PRELID2: variants seen among roughly 807,000 people sequenced by gnomAD.
PRELID2 encodes the protein PRELI domain containing 2.
In PRELID2, 25 loss-of-function variants were observed where a neutral mutation model predicts 28.4. The ratio of observed to expected loss-of-function variants is 0.88; its 90% CI spans 0.64 to 1.23. The LOEUF is 1.23. PRELID2 is among the 50% of genes most tolerant of loss of function. The probability of loss-of-function intolerance (pLI) is 0.00; values close to 1 mark genes in which losing one functional copy is unlikely to be tolerated. For missense variants in PRELID2, 201 were observed against 214.4 expected, an observed-to-expected ratio of 0.94 and a Z score of 0.39; for synonymous variants, 76 against 71.6, an observed-to-expected ratio of 1.06 and a Z score of -0.31.
intron 1 of PRELID2, among the ~76,000 whole-genome samples, chr5:145,697,517 C>G (rs1755307403): frequency 6.6e-6 from 1 of 152,190 alleles, no homozygotes; most frequent in Non-Finnish European, 1.5e-5. Flanking sequence ...CACAAGCCAA[C>G]AGCATTTCTC....
chr5:145,533,475 ACT>A (rs1752672591), intron 1 of PRELID2, among the ~76,000 whole-genome samples: 1 of 151,990 alleles, frequency 6.6e-6, no homozygotes, highest in Non-Finnish European at 1.5e-5. Context: ...AGGTGGAATA[ACT>A]CTCTTTGAGC....
intron 1 of PRELID2, among the ~76,000 whole-genome samples, chr5:145,565,093 T>C (rs1752954500): frequency 2.0e-5 from 3 of 152,246 alleles, no homozygotes; most frequent in Admixed American, 2.0e-4. Context: ...GAGCTGTTCC[T>C]ATTCGGTCAT....
intron 1 of PRELID2, among the ~76,000 whole-genome samples, chr5:145,483,943 T>C (rs1752189672): frequency 6.6e-6 from 1 of 152,222 alleles, no homozygotes; most frequent in East Asian, 1.9e-4. Context: ...GTACCTGACA[T>C]ATAATAACTC....
chr5:145,651,675 C>T (rs1209983509), intron 1 of PRELID2, among the ~76,000 whole-genome samples: 1 of 152,206 alleles, frequency 6.6e-6, no homozygotes, highest in Non-Finnish European at 1.5e-5. Context: ...CAAACTCCAA[C>T]AGACCTGCAG....
the PRELID2 span, among the ~76,000 whole-genome samples, chr5:145,361,810 G>T: frequency 6.6e-6 from 1 of 152,098 alleles, no homozygotes; most frequent in East Asian, 1.9e-4. Flanking sequence ...CATTTCCAGA[G>T]CCTTCACTCA....
At chr5:145,231,879 A>C in the PRELID2 span, among the ~76,000 whole-genome samples, 1 of 152,058 alleles carries the variant, frequency 6.6e-6, no homozygotes, top group Admixed American at 6.5e-5. Flanking sequence ...AATGGAGGAG[A>C]CATCAGCCCC....
chr5:145,590,413 C>CTTAT (rs1052305999), intron 1 of PRELID2, among the ~76,000 whole-genome samples: 1 of 151,996 alleles, frequency 6.6e-6, no homozygotes, highest in Non-Finnish European at 1.5e-5. Flanking sequence ...TATGTGTTTG[C>CTTAT]TTATTTATTT....
At position 145,795,634 on chromosome 5, in the gene PRELID2, T is replaced by C. The variant is rs1466068903; in HGVS notation, c.474+808A>G. 5.3e-5 allele frequency: 8 copies of C among 152,242 alleles called. No homozygotes were observed. In the East Asian group the frequency reaches 9.6e-4, roughly 18 times the overall value. The allele number at this position is 152,242 out of a possible 1,614,324, so 9.4% of individuals were successfully genotyped here. On this transcript the variant is annotated intron_variant, in intron 5 of 6. Transcript: ENST00000683046. ...TGAGGTAAACTTATACAAAAAGTCC[T>C]GAGTAAAATCTGGAAATAAATGAGT...
At chr5:145,568,923 T>C (rs944924007) in intron 1 of PRELID2, among the ~76,000 whole-genome samples, 1 of 152,254 alleles carries the variant, frequency 6.6e-6, no homozygotes, top group Non-Finnish European at 1.5e-5. Flanking sequence ...GGAATTGGCA[T>C]ATATTTTATT....
chr5:145,244,252 G>GC, the PRELID2 span, among the ~76,000 whole-genome samples: 1 of 151,990 alleles, frequency 6.6e-6, no homozygotes, highest in Non-Finnish European at 1.5e-5. Context: ...ACCACGGCTG[G>GC]CCCCAACTTT....
the PRELID2 span, among the ~76,000 whole-genome samples, chr5:145,372,708 C>T: frequency 6.6e-6 from 1 of 151,268 alleles, no homozygotes; most frequent in African/African-American, 2.4e-5. Context: ...GGTAAATTCT[C>T]ATCCATCCTT....
chr5:145,549,452 G>A (rs184489106), intron 1 of PRELID2, among the ~76,000 whole-genome samples: 9 of 152,134 alleles, frequency 5.9e-5, no homozygotes, highest in Admixed American at 2.0e-4. Flanking sequence ...CTAATTTCAC[G>A]CTATTAATTT....
chr5:145,749,065 G>C (rs1463559214), intron 1 of PRELID2, among the ~76,000 whole-genome samples: 1 of 152,152 alleles, frequency 6.6e-6, no homozygotes. Context: ...ATAGGCGTGG[G>C]CAGAGACTTC....
chr5:145,335,149 A>G, the PRELID2 span, among the ~76,000 whole-genome samples: 2 of 151,612 alleles, frequency 1.3e-5, no homozygotes, highest in African/African-American at 4.8e-5. Flanking sequence ...AACTGTCTTC[A>G]CCTTCCTTCA....
chr5:145,239,640 A>G, the PRELID2 span, among the ~76,000 whole-genome samples: 4 of 152,192 alleles, frequency 2.6e-5, no homozygotes, highest in African/African-American at 9.6e-5. Flanking sequence ...ACACCATGAA[A>G]AATGGAAATG....
intron 1 of PRELID2, among the ~76,000 whole-genome samples, chr5:145,548,983 C>T (rs1389469809): frequency 6.6e-6 from 1 of 152,334 alleles, no homozygotes; most frequent in East Asian, 1.9e-4. Flanking sequence ...GCTCTCTCTC[C>T]CATTCCCACA....
At chr5:145,578,452 CT>C (rs1250712183) in intron 1 of PRELID2, among the ~76,000 whole-genome samples, 1 of 151,800 alleles carries the variant, frequency 6.6e-6, no homozygotes, top group Non-Finnish European at 1.5e-5. Context: ...TTTTTTTCCC[CT>C]GGGTCAAAGG....
the PRELID2 span, among the ~76,000 whole-genome samples, chr5:145,363,562 A>G: frequency 6.6e-6 from 1 of 152,070 alleles, no homozygotes; most frequent in Non-Finnish European, 1.5e-5. Context: ...TATTCCTTAA[A>G]TGTCTAATGT....
intron 1 of PRELID2, among the ~76,000 whole-genome samples, chr5:145,834,413 C>T (rs1169266974): frequency 6.6e-6 from 1 of 152,120 alleles, no homozygotes; most frequent in Non-Finnish European, 1.5e-5. Context: ...TACAGACAAT[C>T]AATAGTTTAT....
Sources: allele counts gnomAD v4.1 joint callset (sites outside exome capture counted in the v4.1 genomes callset), GRCh38; gene constraint gnomAD v4.1.1; transcripts MANE v1.5; gene names NCBI Gene and HGNC (gene_info 2026-07-23, HGNC 2026-07-21).